Variants in GGT1 observed in about 807,000 individuals in gnomAD.
The protein encoded by GGT1 is glutathione hydrolase 1 proenzyme.
A neutral mutation model predicts 56.0 loss-of-function variants in GGT1; 21 were observed. The observed-to-expected ratio is 0.38, with a 90% CI of 0.27 to 0.54. GGT1 has a LOEUF of 0.54. GGT1 is among the 20% of genes least tolerant of loss of function. GGT1 has a pLI of 0.82. For synonymous variants in GGT1, 238 were observed against 342.6 expected, an observed-to-expected ratio of 0.69 and a Z score of 3.37; for missense variants, 466 against 787.0, an observed-to-expected ratio of 0.59 and a Z score of 4.88.
At chr22:24,627,256 G>A (rs1182568214) in intron 11 of GGT1, 176 bp from the exon 12 acceptor site, 46 of 1,296,174 alleles carry the variant, frequency 3.5e-5, no homozygotes, top group Non-Finnish European at 4.6e-5. Context: ...GACAGAGACA[G>A]GGAGTCAGAC....
intron 5 of GGT1, among the ~76,000 whole-genome samples, chr22:24,612,523 GTTTTGTT>G (rs2046784641): frequency 1.5e-5 from 2 of 135,106 alleles, no homozygotes; most frequent in African/African-American, 5.8e-5. Context: ...TTTTGTTGTT[GTTTTGTT>G]TTGTTTTGTT....
chr22:24,585,709 C>A, the GGT1 span: 1 of 722,704 alleles, frequency 1.4e-6, no homozygotes, highest in Admixed American at 3.0e-5. Flanking sequence ...GGCTGAGCCT[C>A]TAGCCAGGGC....
chr22:24,588,682 AG>A, the GGT1 span: 6 of 1,104,572 alleles, frequency 5.4e-6, no homozygotes, highest in Non-Finnish European at 5.6e-6. Flanking sequence ...GACTTGCCAC[AG>A]GGGGAGGAGG....
At chr22:24,589,815 C>T (rs768928739), upstream of GGT1, 12 of 1,610,874 alleles carry the variant, frequency 7.4e-6, no homozygotes, top group Admixed American at 2.0e-4. Context: ...TGCCTGCCAG[C>T]CTCACCTTCT....
chr22:24,625,401 A>T (rs1254964955), intron 11 of GGT1, among the ~76,000 whole-genome samples: 1 of 152,096 alleles, frequency 6.6e-6, no homozygotes, highest in Non-Finnish European at 1.5e-5. Context: ...AGCCCCCTGA[A>T]CAGCTGGGAC....
chr22:24,589,836 C>T, upstream of GGT1: 1 of 1,613,202 alleles, frequency 6.2e-7, no homozygotes, highest in Non-Finnish European at 8.5e-7. Context: ...TGGGGCACTG[C>T]AGGTCCCGGG....
upstream of GGT1, among the ~76,000 whole-genome samples, chr22:24,598,651 T>G (rs2045734063): frequency 6.6e-6 from 1 of 152,082 alleles, no homozygotes; most frequent in African/African-American, 2.4e-5. Flanking sequence ...CCTCCCGTGC[T>G]CAAGTGATCC....
At chr22:24,592,650 C>T, upstream of GGT1, 1 of 779,422 alleles carries the variant, frequency 1.3e-6, no homozygotes, top group South Asian at 1.9e-5. Flanking sequence ...TCACCCAGCC[C>T]TCACTCCAGG....
chr22:24,626,575 C>T lies in GGT1; in HGVS notation c.1021-857C>T, dbSNP rs184360086. 6.0e-3 allele frequency among the ~76,000 whole-genome samples: 895 copies of T among 150,072 alleles called. 3 individuals are homozygous for T. The highest frequency in any genetic ancestry group is 0.023 in the South Asian group (110 of 4,704). ...TCCAAAATCAAGCTCCTGACCATCC[C>T]CAAACCTGCCCCTTCTGCAGGGTTT... On this transcript the variant is annotated intron_variant, in intron 11 of 15. Transcript: ENST00000400382.
At position 24,627,429 on chromosome 22, in the gene GGT1, CA is replaced by C; in HGVS notation, c.1021-2del. On this transcript the variant is annotated splice_acceptor_variant, in intron 11 of 15. Transcript: ENST00000400382. LOFTEE classifies it high-confidence loss of function. The stretch of plus-strand genomic sequence containing the variant: ...CCTCAGGCCAGCTCTGGGGTCTCGG[CA>C]GGTGGTCCGCAACATGACCTCCGAG... 7.1e-7 allele frequency: 1 copy of C among 1,405,588 alleles called. No individual in the cohort carries two copies. Among genetic ancestry groups the C allele is most frequent in the Non-Finnish European group, 9.5e-7 (1 of 1,049,948 alleles). The allele number at this position is 1,405,588 out of a possible 1,614,324, so 87.1% of individuals were successfully genotyped here. A position where few individuals can be genotyped will look rare whatever the true frequency, so the allele number is the denominator to read the frequency against.
upstream of GGT1, among the ~76,000 whole-genome samples, chr22:24,599,822 C>A (rs575165884): frequency 1.1e-4 from 17 of 151,926 alleles, no homozygotes; most frequent in Admixed American, 1.0e-3. Context: ...GGGGGAGGTC[C>A]CCAAAAGTCC....
At chr22:24,626,181 A>G (rs1350552633) in intron 11 of GGT1, among the ~76,000 whole-genome samples, 1 of 148,238 alleles carries the variant, frequency 6.7e-6, no homozygotes, top group Admixed American at 6.7e-5. Flanking sequence ...TTTAGTAGAG[A>G]CGGGGTTTCA....
chr22:24,623,348 C>G, intron 10 of GGT1, 92 bp downstream of exon 10: 1 of 1,356,936 alleles, frequency 7.4e-7, no homozygotes, highest in Non-Finnish European at 1.0e-6. Context: ...GCTCGCCCCC[C>G]ATGCCACGTC....
In GGT1 at chr22:24,620,493, C is replaced by T. The variant is rs374125627; in HGVS notation, c.548C>T (p.Thr183Ile). 79 of 1,611,790 alleles carry T rather than the reference C, an allele frequency of 4.9e-5. No individual in the cohort carries two copies. The African/African-American group carries it at 7.2e-4, about 15-fold the overall frequency. Reference sequence around the variant, plus strand: ...GCGGCAGCCCTGGAAAACAAGCGGACCGTCATCGAGCAGCAGCCTGTCTTG... The same window carrying T: ...GCGGCAGCCCTGGAAAACAAGCGGATCGTCATCGAGCAGCAGCCTGTCTTG... ...GLAAALENKR[T>I]VIEQQPVLCE... The change falls in exon 8 of 16, where the codon ACC (threonine) becomes ATC (isoleucine). Residue 183 changes from threonine to isoleucine, a missense_variant. Transcript: ENST00000400382. This position sits in a 1 kb window ranked among gnomAD's most constrained non-coding sequence, Gnocchi z 5.6.
upstream of GGT1, among the ~76,000 whole-genome samples, chr22:24,593,739 A>G (rs1488150018): frequency 6.6e-6 from 1 of 151,428 alleles, no homozygotes; most frequent in African/African-American, 2.4e-5. Context: ...GTGAGCCGAG[A>G]TGGCGCCACC....
rs1204100684 is a variant in GGT1, at chr22:24,605,942, TATA to T, written c.-428-2008_-428-2006del. Among the ~76,000 whole-genome samples the T allele has an allele frequency of 6.4e-4, 57 of 89,352 alleles. 12 individuals carry two copies. Among genetic ancestry groups the T allele is most frequent in the Admixed American group, 2.8e-3 (15 of 5,444 alleles). 58.6% of individuals were successfully genotyped at this position (89,352 alleles called of 152,430 possible). A position where few individuals can be genotyped will look rare whatever the true frequency, so the allele number is the denominator to read the frequency against. On this transcript the variant is annotated intron_variant, in intron 1 of 15. Coordinates refer to ENST00000400382, the MANE Select transcript of GGT1 (RefSeq NM_001288833.2). ...TGTGTATTATATATTATATATAATA[TATA>T]ATATTATATATAATATATTACATAT...
chr22:24,626,117 C>G (rs929226087), intron 11 of GGT1, among the ~76,000 whole-genome samples: 7 of 145,298 alleles, frequency 4.8e-5, no homozygotes, highest in Non-Finnish European at 8.9e-5. Flanking sequence ...CTCAGCCCCC[C>G]AAGTAGCTGG....
intron 7 of GGT1, among the ~76,000 whole-genome samples, chr22:24,618,506 G>T (rs572965057): frequency 6.6e-6 from 1 of 152,186 alleles, no homozygotes; most frequent in Non-Finnish European, 1.5e-5. Flanking sequence ...CAGGAGAATC[G>T]CTTGAACCTG....
rs1301205921 is a variant in GGT1 at position 24,605,127 on chromosome 22, A to ATTATATT, written c.-429+1600_-429+1601insTTATATT. 5.1e-5 allele frequency among the ~76,000 whole-genome samples: 4 copies of ATTATATT among 78,618 alleles called. 2 individuals carry two copies. The highest frequency in any genetic ancestry group is 9.0e-5 in the Non-Finnish European group (4 of 44,404). The allele number at this position is 78,618 out of a possible 152,430, so 51.6% of individuals were successfully genotyped here. On this transcript the variant is annotated intron_variant, in intron 1 of 15. Transcript: ENST00000400382. ...TTATATTATATATTATATAATATGT[A>ATTATATT]ATATATTATATAATATATAATATGT...
Sources: gnomAD v4.1 joint callset for allele counts (sites outside exome capture counted in the v4.1 genomes callset) on GRCh38, gnomAD v4.1.1 for gene constraint, Gnocchi (gnomAD v3.1) non-coding constraint, MANE v1.5 for transcripts, NCBI Gene and HGNC (gene_info 2026-07-23, HGNC 2026-07-21) for gene names.